Variants in FRMD4B observed in about 807,000 individuals in gnomAD.
FRMD4B encodes FERM domain containing 4B.
FRMD4B carries 74 observed loss-of-function variants against 141.5 expected under a neutral mutation model. The ratio of observed to expected loss-of-function variants is 0.52; its 90% CI spans 0.43 to 0.63. The LOEUF is 0.63. Ranked by LOEUF, FRMD4B falls within the 30% of genes least tolerant of loss-of-function variation. FRMD4B has a pLI of 0.00. For synonymous variants in FRMD4B, 506 were observed against 467.9 expected (o/e 1.08, Z -1.05); for missense variants, 1,366 against 1,253.4 (o/e 1.09, Z -1.36).
At chr3:69,407,626 G>A (rs1487270696) in intron 2 of FRMD4B, among the ~76,000 whole-genome samples, 1 of 152,166 alleles carries the variant, frequency 6.6e-6, no homozygotes, top group African/African-American at 2.4e-5. Flanking sequence ...TGATCTGATG[G>A]TGTCCACTGG....
At chr3:69,211,243 G>C (rs2093076438) in intron 11 of FRMD4B, among the ~76,000 whole-genome samples, 1 of 152,106 alleles carries the variant, frequency 6.6e-6, no homozygotes, top group South Asian at 2.1e-4. Context: ...ACAGTTGGTG[G>C]CAATACCCTT....
At chr3:69,342,754 T>G (rs992666667) in intron 1 of FRMD4B, among the ~76,000 whole-genome samples, 1 of 152,210 alleles carries the variant, frequency 6.6e-6, no homozygotes, top group African/African-American at 2.4e-5. Flanking sequence ...ATTTATCATT[T>G]CTTTATGTTG....
intron 1 of FRMD4B, among the ~76,000 whole-genome samples, chr3:69,344,335 A>G (rs1406880377): frequency 1.3e-5 from 2 of 152,214 alleles, no homozygotes; most frequent in African/African-American, 2.4e-5. Context: ...AAAGGAAGAA[A>G]GAAGGGGGAG....
chr3:69,309,654 C>T (rs1701510990), intron 3 of FRMD4B, among the ~76,000 whole-genome samples: 1 of 146,350 alleles, frequency 6.8e-6, no homozygotes, highest in Non-Finnish European at 1.5e-5. Flanking sequence ...CCTATGTTAC[C>T]TAGGTGGCTC....
At chr3:69,318,628 G>C (rs561956438) in intron 1 of FRMD4B, among the ~76,000 whole-genome samples, 3 of 152,212 alleles carry the variant, frequency 2.0e-5, no homozygotes, top group African/African-American at 7.2e-5. Flanking sequence ...AGGTCAGGGG[G>C]CTGATTTGAT....
intron 2 of FRMD4B, among the ~76,000 whole-genome samples, chr3:69,312,678 C>T (rs1300346642): frequency 6.6e-6 from 1 of 152,196 alleles, no homozygotes; most frequent in Admixed American, 6.5e-5. Context: ...GAGGGTGGAT[C>T]ACTTGAGGTC....
At chr3:69,369,717 G>A (rs200747528) in intron 1 of FRMD4B, among the ~76,000 whole-genome samples, 26,334 of 151,922 alleles carry the variant, frequency 0.17, 2,501 homozygotes, top group African/African-American at 0.24. Flanking sequence ...AAAATCCTAA[G>A]GAAGAAATAG....
At chr3:69,176,428 C>G in intron 22 of FRMD4B, 96 bp downstream of exon 22, 1 of 1,057,772 alleles carries the variant, frequency 9.5e-7, no homozygotes, top group Non-Finnish European at 1.4e-6. Flanking sequence ...AGTTTGCCAA[C>G]CCCTGAACTA....
chr3:69,372,798 C>T (rs1703863803), intron 1 of FRMD4B, among the ~76,000 whole-genome samples: 1 of 152,170 alleles, frequency 6.6e-6, no homozygotes, highest in African/African-American at 2.4e-5. Flanking sequence ...TATGTGTGTA[C>T]ATACCTACAT....
At chr3:69,411,307 T>C (rs6549216) in intron 2 of FRMD4B, among the ~76,000 whole-genome samples, 46,602 of 152,078 alleles carry the variant, frequency 0.31, 7,373 homozygotes, top group East Asian at 0.44. Context: ...GTTAGGACTC[T>C]TTTAAATTTT....
intron 3 of FRMD4B, among the ~76,000 whole-genome samples, chr3:69,308,742 GT>G (rs1264355476): frequency 1.3e-5 from 2 of 151,670 alleles, no homozygotes; most frequent in African/African-American, 2.4e-5. Context: ...GCCCGGCCTT[GT>G]TTTTTTTCTC....
At chr3:69,498,136 T>C (rs890214583) in intron 1 of FRMD4B, among the ~76,000 whole-genome samples, 7 of 152,192 alleles carry the variant, frequency 4.6e-5, no homozygotes, top group Admixed American at 4.6e-4. Context: ...TTTCTTTGCA[T>C]TCTAAAGCTC....
At chr3:69,322,337 T>C (rs893098418) in intron 1 of FRMD4B, among the ~76,000 whole-genome samples, 1 of 152,174 alleles carries the variant, frequency 6.6e-6, no homozygotes, top group Non-Finnish European at 1.5e-5. Context: ...GTTCAGAGAA[T>C]GGCCTAGACT....
chr3:69,493,742 G>A (rs1405811873), intron 1 of FRMD4B, among the ~76,000 whole-genome samples: 1 of 152,150 alleles, frequency 6.6e-6, no homozygotes, highest in East Asian at 1.9e-4. Flanking sequence ...GGCAGGGGCT[G>A]TGTTTACCTT....
At chr3:69,472,297 G>A in intron 1 of FRMD4B, 1 of 418,730 alleles carries the variant, frequency 2.4e-6, no homozygotes, top group Admixed American at 2.6e-5. Context: ...GACATTCTCT[G>A]CAACTTTTTT....
intron 1 of FRMD4B, among the ~76,000 whole-genome samples, chr3:69,448,848 C>G (rs1181725691): frequency 6.6e-6 from 1 of 151,990 alleles, no homozygotes; most frequent in African/African-American, 2.4e-5. Context: ...TTTATTTTTT[C>G]TTTAGTGTAT....
chr3:69,345,053 G>A (rs1702885359), intron 1 of FRMD4B, among the ~76,000 whole-genome samples: 1 of 151,882 alleles, frequency 6.6e-6, no homozygotes, highest in Non-Finnish European at 1.5e-5. Context: ...CCTCACCTGG[G>A]AAGCACAAGG....
intron 4 of FRMD4B, among the ~76,000 whole-genome samples, chr3:69,291,802 G>A (rs921520314): frequency 7.3e-5 from 11 of 151,604 alleles, no homozygotes; most frequent in Admixed American, 5.3e-4. Flanking sequence ...TTTTCCTTCC[G>A]TTTTGTTTGT....
At chr3:69,260,310 A>G (rs2093518153) in intron 5 of FRMD4B, among the ~76,000 whole-genome samples, 1 of 152,180 alleles carries the variant, frequency 6.6e-6, no homozygotes, top group Admixed American at 6.5e-5. Context: ...CGTGTTCGCG[A>G]GTTGGCGAGT....
Sources: gnomAD v4.1 joint callset for allele counts (sites outside exome capture counted in the v4.1 genomes callset) on GRCh38, gnomAD v4.1.1 for gene constraint, MANE v1.5 for transcripts, NCBI Gene and HGNC (gene_info 2026-07-23, HGNC 2026-07-21) for gene names.